The following CEP120 variants were observed in gnomAD, a reference collection of about 807,000 sequenced individuals.
CEP120 encodes the protein centrosomal protein of 120 kDa.
A neutral mutation model predicts 126.5 loss-of-function variants in CEP120; 113 were observed. The observed-to-expected ratio is 0.89, with a 90% CI of 0.77 to 1.04. The LOEUF is 1.04. CEP120 is among the 50% of genes least tolerant of loss of function. The pLI, the probability that CEP120 is intolerant of heterozygous loss-of-function variation, is 0.00. For missense variants in CEP120, 1,230 were observed against 1,155.7 expected, an observed-to-expected ratio of 1.06 and a Z score of -0.93; for synonymous variants, 400 against 394.3, an observed-to-expected ratio of 1.01 and a Z score of -0.17.
chr5:123,362,176 A>G (rs1377978932), intron 18 of CEP120, among the ~76,000 whole-genome samples: 4 of 151,732 alleles, frequency 2.6e-5, no homozygotes, highest in Non-Finnish European at 5.9e-5. Flanking sequence ...ATAACCATAT[A>G]TTAGCTGCTT....
chr5:123,376,720 A>G (rs992916868), intron 16 of CEP120, among the ~76,000 whole-genome samples: 4 of 152,090 alleles, frequency 2.6e-5, no homozygotes, highest in Middle Eastern at 3.2e-3. Flanking sequence ...AATCAGATAT[A>G]TGGGTCTAGA....
chr5:123,403,973 A>G (rs1414135157), intron 4 of CEP120, among the ~76,000 whole-genome samples: 1 of 152,238 alleles, frequency 6.6e-6, no homozygotes, highest in Non-Finnish European at 1.5e-5. Flanking sequence ...CTCAAATGAA[A>G]TTAGGTGGTA....
chr5:123,419,307 A>G (rs1349335371), intron 1 of CEP120, among the ~76,000 whole-genome samples: 1 of 152,206 alleles, frequency 6.6e-6, no homozygotes, highest in African/African-American at 2.4e-5. Context: ...TAAATTAGTA[A>G]AAACAAATTT....
At chr5:123,413,533 T>C (rs1176353386) in intron 3 of CEP120, among the ~76,000 whole-genome samples, 1 of 152,068 alleles carries the variant, frequency 6.6e-6, no homozygotes, top group Non-Finnish European at 1.5e-5. Context: ...CCTACATATA[T>C]TATTAGGGCA....
chr5:123,394,981 A>C (rs1040076261), intron 5 of CEP120, among the ~76,000 whole-genome samples: 5 of 152,234 alleles, frequency 3.3e-5, no homozygotes, highest in Non-Finnish European at 5.9e-5. Flanking sequence ...AATGCCTAGC[A>C]CACAGCTGTT....
intron 4 of CEP120, 113 bp downstream of exon 4, chr5:123,412,286 T>C (rs890630628): frequency 8.8e-6 from 8 of 906,738 alleles, no homozygotes. Context: ...ACAATATTTG[T>C]CTGATGAACA....
rs187188245 is a variant in CEP120, at chr5:123,346,246, T to A, written c.*273A>T. On this transcript the variant is annotated 3_prime_UTR_variant, in exon 20 of 20. Transcript: ENST00000306467. ...CAACAAACTTAGTTAAAAGCTGTTT[T>A]GAAAGTTAGTTAGCCATCAGATTAT... is the stretch of plus-strand genomic sequence containing the variant. 3.2e-6 allele frequency: 1 copy of A among 314,162 alleles called. No individual in the cohort carries two copies. The highest frequency in any genetic ancestry group is 4.6e-5 in the Admixed American group (1 of 21,750). 19.5% of individuals were successfully genotyped at this position (314,162 alleles called of 1,614,324 possible).
At chr5:123,419,245 G>A (rs1774565038) in intron 1 of CEP120, among the ~76,000 whole-genome samples, 1 of 152,180 alleles carries the variant, frequency 6.6e-6, no homozygotes, top group Non-Finnish European at 1.5e-5. Flanking sequence ...CGAATTTTAG[G>A]TACTACTATT....
At chr5:123,370,954 C>T (rs1770812497) in intron 17 of CEP120, among the ~76,000 whole-genome samples, 1 of 151,646 alleles carries the variant, frequency 6.6e-6, no homozygotes, top group Admixed American at 6.6e-5. Context: ...TTTCTATTAA[C>T]ATCCATTACA....
At chr5:123,402,194 C>T in intron 4 of CEP120, 2 of 1,566,138 alleles carry the variant, frequency 1.3e-6, no homozygotes, top group Non-Finnish European at 1.7e-6. Context: ...AGCCGCCGCC[C>T]AGGCCACCCC....
intron 4 of CEP120, chr5:123,403,082 C>T (rs1370036212): frequency 7.1e-6 from 2 of 280,152 alleles, no homozygotes; most frequent in Non-Finnish European, 1.4e-5. Context: ...CAGCACAAAA[C>T]AGGTAAGACC....
chr5:123,409,992 C>CACACACACA (rs1554105684), intron 4 of CEP120, among the ~76,000 whole-genome samples: 3 of 83,872 alleles, frequency 3.6e-5, no homozygotes, highest in African/African-American at 4.6e-5. Flanking sequence ...AAAAAAAAAA[C>CACACACACA]CACACACACA....
At chr5:123,409,841 C>T (rs1773917664) in intron 4 of CEP120, among the ~76,000 whole-genome samples, 1 of 151,902 alleles carries the variant, frequency 6.6e-6, no homozygotes, top group East Asian at 1.9e-4. Context: ...CCTGTAGTCC[C>T]AGCTACTCAG....
chr5:123,380,640 T>C (rs1002287022), intron 14 of CEP120, among the ~76,000 whole-genome samples: 5 of 152,152 alleles, frequency 3.3e-5, no homozygotes, highest in Admixed American at 2.6e-4. Flanking sequence ...CTAGTAATTT[T>C]ATTAACTTTT....
At chr5:123,397,780 G>A (rs990744333) in intron 5 of CEP120, among the ~76,000 whole-genome samples, 5 of 152,152 alleles carry the variant, frequency 3.3e-5, no homozygotes, top group African/African-American at 1.2e-4. Flanking sequence ...TGGACATTTT[G>A]TTCCTCTAAG....
chr5:123,373,635 G>A (rs1046949583), intron 16 of CEP120, among the ~76,000 whole-genome samples: 12 of 152,062 alleles, frequency 7.9e-5, no homozygotes, highest in Admixed American at 2.0e-4. Context: ...GGATACAGAT[G>A]GAAGGATGAC....
rs571877149 is a variant in CEP120, at chr5:123,346,146, T to TAA, written c.*371_*372dup. ...CAAATGGAATAGGACGCAGCGTTTT[T>TAA]AAAGTGCAAGATATACTCTTTTGGC... On this transcript the variant is annotated 3_prime_UTR_variant, in exon 20 of 20. Coordinates refer to ENST00000306467, the MANE Select transcript of CEP120 (RefSeq NM_001375405.1). The TAA allele has an allele frequency of 1.5e-3, 267 of 172,516 alleles. 3 individuals carry two copies. The Middle Eastern group carries it at 0.025, about 16-fold the overall frequency. The allele number at this position is 172,516 out of a possible 1,614,324, so 10.7% of individuals were successfully genotyped here. A position where few individuals can be genotyped will look rare whatever the true frequency, so the allele number is the denominator to read the frequency against.
At chr5:123,355,696 G>A (rs891875924) in intron 18 of CEP120, among the ~76,000 whole-genome samples, 5 of 151,882 alleles carry the variant, frequency 3.3e-5, no homozygotes, top group Admixed American at 6.6e-5. Context: ...TTTGTCAGAT[G>A]AGTAGGTTGC....
intron 19 of CEP120, 95 bp downstream of exon 19, chr5:123,349,841 ATATATTTT>A (rs1769083449): frequency 2.0e-5 from 18 of 891,746 alleles, no homozygotes; most frequent in Non-Finnish European, 3.0e-5. Context: ...GCTACATTTT[ATATATTTT>A]TATATATGAT....
Sources: allele counts gnomAD v4.1 joint callset (sites outside exome capture counted in the v4.1 genomes callset), GRCh38; gene constraint gnomAD v4.1.1; transcripts MANE v1.5; gene names NCBI Gene and HGNC (gene_info 2026-07-23, HGNC 2026-07-21).